The following UBASH3B variants were observed in gnomAD, a reference collection of about 807,000 sequenced individuals.
UBASH3B encodes ubiquitin-associated and SH3 domain-containing protein B.
In UBASH3B, 37 loss-of-function variants were observed where a neutral mutation model predicts 83.4. That is an observed-to-expected ratio of 0.44 (90% CI 0.34 to 0.58). The LOEUF (loss-of-function observed/expected upper bound fraction) is 0.58. Among genes scored for constraint, UBASH3B ranks in the 20% least tolerant of loss-of-function variants. The pLI is 0.01. For missense variants in UBASH3B, 657 were observed against 827.2 expected (o/e 0.79, Z 2.52); for synonymous variants, 304 against 318.3 (o/e 0.96, Z 0.48).
intron 1 of UBASH3B, chr11:122,726,141 C>CT (rs1397695713): frequency 1.3e-5 from 2 of 152,174 alleles, no homozygotes; most frequent in Non-Finnish European, 2.9e-5. Flanking sequence ...GTCTCCACAC[C>CT]TGCCAGAAGA....
intron 1 of UBASH3B, among the ~76,000 whole-genome samples, chr11:122,742,431 G>T (rs191096972): frequency 5.6e-4 from 86 of 152,270 alleles, no homozygotes; most frequent in African/African-American, 2.0e-3. Flanking sequence ...ATGGGTCCCG[G>T]CTGTTAAATA....
At chr11:122,748,501 A>C (rs1861154350) in intron 1 of UBASH3B, among the ~76,000 whole-genome samples, 1 of 152,194 alleles carries the variant, frequency 6.6e-6, no homozygotes. Flanking sequence ...GAAATGGAAA[A>C]CAGCCTGTTG....
At chr11:122,658,379 A>T (rs573696694) in intron 1 of UBASH3B, among the ~76,000 whole-genome samples, 70 of 152,300 alleles carry the variant, frequency 4.6e-4, no homozygotes, top group African/African-American at 1.7e-3. Flanking sequence ...TTAAAGGGAC[A>T]TCTTTTCTCC....
chr11:122,738,686 C>A (rs1314460098), intron 1 of UBASH3B, among the ~76,000 whole-genome samples: 1 of 152,032 alleles, frequency 6.6e-6, no homozygotes, highest in African/African-American at 2.4e-5. Flanking sequence ...GTCAGGAGTT[C>A]GAGACCAGCC....
chr11:122,698,052 C>T (rs764788383), intron 1 of UBASH3B, among the ~76,000 whole-genome samples: 2 of 152,164 alleles, frequency 1.3e-5, no homozygotes, highest in Non-Finnish European at 2.9e-5. Context: ...ATTCCAAAGC[C>T]AGCCCTGTCC....
At chr11:122,713,745 C>CAA (rs34816613) in intron 1 of UBASH3B, among the ~76,000 whole-genome samples, 19 of 109,032 alleles carry the variant, frequency 1.7e-4, no homozygotes, top group Admixed American at 3.1e-4. Flanking sequence ...GACTCCATCT[C>CAA]AAAAAAAAAA....
chr11:122,795,520 C>CAGTT, intron 7 of UBASH3B, among the ~76,000 whole-genome samples: 1 of 152,348 alleles, frequency 6.6e-6, no homozygotes, highest in East Asian at 1.9e-4. Context: ...TTCCATCCAG[C>CAGTT]AGTTATAGAA....
At chr11:122,693,916 G>GCATC (rs1863927735) in intron 1 of UBASH3B, among the ~76,000 whole-genome samples, 1 of 152,072 alleles carries the variant, frequency 6.6e-6, no homozygotes, top group African/African-American at 2.4e-5. Flanking sequence ...GCTAAGCGAT[G>GCATC]CATCCATTCA....
chr11:122,675,931 C>T (rs1863662324), intron 1 of UBASH3B, among the ~76,000 whole-genome samples: 2 of 152,150 alleles, frequency 1.3e-5, no homozygotes, highest in Non-Finnish European at 2.9e-5. Flanking sequence ...TTACTCTTTT[C>T]CCAATCCTGA....
chr11:122,747,825 A>G (rs989458588), intron 1 of UBASH3B, among the ~76,000 whole-genome samples: 8 of 152,188 alleles, frequency 5.3e-5, no homozygotes, highest in Non-Finnish European at 8.8e-5. Flanking sequence ...CTGGTTTCAA[A>G]TCCTGCCTTT....
intron 5 of UBASH3B, 119 bp from the exon 6 acceptor site, chr11:122,788,981 C>T: frequency 1.1e-6 from 1 of 906,082 alleles, no homozygotes; most frequent in Non-Finnish European, 1.7e-6. Flanking sequence ...CCCAAGGGCT[C>T]CTGGGCACAT....
intron 1 of UBASH3B, among the ~76,000 whole-genome samples, chr11:122,657,464 T>G (rs1232522867): frequency 6.6e-6 from 1 of 152,098 alleles, no homozygotes; most frequent in East Asian, 1.9e-4. Context: ...AATTTTTATA[T>G]TTTTAGAAGA....
rs58490731 is a variant in UBASH3B at position 122,683,608 on chromosome 11, A to ATAATAATAATAAT, written c.161+27398_161+27399insTAATAATAATAAT. ...GGACAGAGCGAGACTCCTTCTCAAA[A>ATAATAATAATAAT]AAAAAAAAAAATAATAATAATAAAA... On this transcript the variant is annotated intron_variant, in intron 1 of 13. Transcript: ENST00000284273. Among the ~76,000 whole-genome samples the ATAATAATAATAAT allele has an allele frequency of 4.8e-3, 711 of 148,084 alleles. 7 individuals are homozygous for ATAATAATAATAAT. Among genetic ancestry groups the ATAATAATAATAAT allele is most frequent in the Middle Eastern group, 0.014 (4 of 286 alleles).
At chr11:122,682,966 T>A (rs1366386698) in intron 1 of UBASH3B, among the ~76,000 whole-genome samples, 1 of 152,112 alleles carries the variant, frequency 6.6e-6, no homozygotes, top group East Asian at 1.9e-4. Flanking sequence ...AATTTTAGAG[T>A]GAGGCATGGT....
In UBASH3B at chr11:122,794,742, A is replaced by T; in HGVS notation, c.1021A>T (p.Thr341Ser). 6.2e-7 allele frequency: 1 copy of T among 1,613,938 alleles called. No homozygotes were observed. Among genetic ancestry groups the T allele is most frequent in the South Asian group, 1.1e-5 (1 of 91,078 alleles). ...ILNTSSSNSL[T>S]FGDGVLERRP... ...AAATACATCGTCATCCAACTCTCTC[A>T]CGTTTGGGGATGGAGTATTGGAGAG... is the stretch of plus-strand genomic sequence containing the variant. The change falls in exon 7 of 14, where the codon ACG becomes TCG. Residue 341 changes from threonine to serine, a missense_variant. Thr to Ser is a moderately conservative substitution (Grantham distance 58). This residue lies in a region of UBASH3B where 573 missense variants were observed against 739.0 expected (regional missense o/e 0.78). Transcript: ENST00000284273.
At chr11:122,700,025 T>A (rs1297015114) in intron 1 of UBASH3B, among the ~76,000 whole-genome samples, 1 of 152,196 alleles carries the variant, frequency 6.6e-6, no homozygotes, top group African/African-American at 2.4e-5. Flanking sequence ...TGGTGGTGCT[T>A]TATTCACTTG....
At chr11:122,699,140 G>T (rs1864001870) in intron 1 of UBASH3B, among the ~76,000 whole-genome samples, 1 of 152,198 alleles carries the variant, frequency 6.6e-6, no homozygotes, top group South Asian at 2.1e-4. Context: ...GTGAGCCACT[G>T]CGCCCGGATT....
At chr11:122,792,438 C>A (rs1042859283) in intron 6 of UBASH3B, among the ~76,000 whole-genome samples, 1 of 151,828 alleles carries the variant, frequency 6.6e-6, no homozygotes, top group Non-Finnish European at 1.5e-5. Context: ...CCTGCCTCAG[C>A]CCCCCGAGTA....
intron 1 of UBASH3B, among the ~76,000 whole-genome samples, chr11:122,740,851 AT>A (rs1861012427): frequency 6.6e-6 from 1 of 152,200 alleles, no homozygotes; most frequent in South Asian, 2.1e-4. Context: ...AAAATTCACT[AT>A]ATTACTTTTA....
Sources: allele counts gnomAD v4.1 joint callset (sites outside exome capture counted in the v4.1 genomes callset), GRCh38; gene constraint gnomAD v4.1.1; regional missense constraint gnomAD v4.1.1; transcripts MANE v1.5; gene names NCBI Gene and HGNC (gene_info 2026-07-23, HGNC 2026-07-21).